The following CCDC3 variants were observed in gnomAD, a reference collection of about 807,000 sequenced individuals.
CCDC3 encodes coiled-coil domain containing 3, also known as coiled-coil domain-containing protein 3.
CCDC3 carries 24 observed loss-of-function variants against 21.4 expected under a neutral mutation model. The observed-to-expected ratio is 1.12, with a 90% CI of 0.81 to 1.58. CCDC3 has a LOEUF of 1.58. Among genes scored for constraint, CCDC3 ranks in the 40% most tolerant of loss-of-function variants. The probability of loss-of-function intolerance (pLI) is 0.00; values close to 1 mark genes in which losing one functional copy is unlikely to be tolerated. For missense variants in CCDC3, 425 were observed against 360.9 expected (o/e 1.18, Z -1.44); for synonymous variants, 186 against 166.0 (o/e 1.12, Z -0.93).
At chr10:12,949,566 T>TATAGC (rs1834978955) in intron 2 of CCDC3, among the ~76,000 whole-genome samples, 1 of 152,156 alleles carries the variant, frequency 6.6e-6, no homozygotes, top group Non-Finnish European at 1.5e-5. Flanking sequence ...TTACTAGGGT[T>TATAGC]TTCCAATACT....
intron 2 of CCDC3, among the ~76,000 whole-genome samples, chr10:12,983,772 G>A (rs1039634515): frequency 6.6e-6 from 1 of 152,008 alleles, no homozygotes; most frequent in African/African-American, 2.4e-5. Flanking sequence ...TAGCCATGAG[G>A]GAAATGCAAA....
intron 2 of CCDC3, among the ~76,000 whole-genome samples, chr10:12,957,633 G>GAGA (rs1835111516): frequency 6.6e-6 from 1 of 152,126 alleles, no homozygotes; most frequent in African/African-American, 2.4e-5. Context: ...TCACGATAGT[G>GAGA]AGAGTTCTCT....
intron 5 of CCDC3, among the ~76,000 whole-genome samples, chr10:13,019,026 G>A (rs1031380447): frequency 3.2e-4 from 48 of 152,044 alleles, no homozygotes; most frequent in African/African-American, 1.1e-3. Context: ...AAGGTCAGGA[G>A]ATCGAGACCA....
intron 5 of CCDC3, among the ~76,000 whole-genome samples, chr10:13,009,384 C>T (rs1010276152): frequency 8.5e-5 from 13 of 152,138 alleles, no homozygotes; most frequent in African/African-American, 3.1e-4. Context: ...CAATAAAAAT[C>T]CCAGTGGACT....
intron 2 of CCDC3, among the ~76,000 whole-genome samples, chr10:12,931,705 T>G (rs1171700101): frequency 2.0e-5 from 3 of 152,210 alleles, no homozygotes; most frequent in Non-Finnish European, 4.4e-5. Context: ...TCTAATATTT[T>G]CTGCTTAAAA....
intron 2 of CCDC3, among the ~76,000 whole-genome samples, chr10:12,902,307 C>T (rs1588996858): frequency 6.6e-6 from 1 of 152,220 alleles, no homozygotes; most frequent in Non-Finnish European, 1.5e-5. Context: ...CCTCTTCTGG[C>T]CAAAATGAGA....
intron 1 of CCDC3, 41 bp from the exon 2 acceptor site, chr10:12,998,553 C>A: frequency 6.3e-7 from 1 of 1,586,434 alleles, no homozygotes; most frequent in South Asian, 1.1e-5. Flanking sequence ...GCTAGACAGT[C>A]AAGGGTGTAC....
chr10:12,906,440 C>G (rs7918602), intron 2 of CCDC3, among the ~76,000 whole-genome samples: 61,308 of 152,022 alleles, frequency 0.4, 12,818 homozygotes, highest in African/African-American at 0.49. Flanking sequence ...TGAGGCAGCA[C>G]CCGGCCTAGC....
intron 3 of CCDC3, among the ~76,000 whole-genome samples, chr10:13,090,031 T>TTAGATAGATAGA (rs1314262953): frequency 3.7e-3 from 29 of 7,836 alleles, no homozygotes; most frequent in Middle Eastern, 0.12. Flanking sequence ...TAGTATTCCG[T>TTAGATAGATAGA]TAGATATATA....
At chr10:12,910,594 CA>C (rs61243830) in intron 2 of CCDC3, among the ~76,000 whole-genome samples, 36 of 91,118 alleles carry the variant, frequency 4.0e-4, no homozygotes, top group South Asian at 9.0e-4. Context: ...CTAGTCAGAG[CA>C]AAAAAAAAAA....
intron 5 of CCDC3, among the ~76,000 whole-genome samples, chr10:13,041,067 T>C (rs766882087): frequency 6.6e-6 from 1 of 152,158 alleles, no homozygotes; most frequent in African/African-American, 2.4e-5. Context: ...CACTGAGTAA[T>C]TATTTTTCCA....
intron 2 of CCDC3, among the ~76,000 whole-genome samples, chr10:12,907,211 G>GGAT (rs1233380584): frequency 3.9e-5 from 6 of 152,152 alleles, no homozygotes; most frequent in African/African-American, 1.4e-4. Context: ...CTTAATAAAT[G>GGAT]GATGAAGGGA....
intron 2 of CCDC3, among the ~76,000 whole-genome samples, chr10:12,936,134 C>T (rs1834733820): frequency 6.6e-6 from 1 of 152,198 alleles, no homozygotes; most frequent in Admixed American, 6.5e-5. Flanking sequence ...CTTCTTTAAA[C>T]ATTTCTTGCA....
At chr10:13,080,672 A>G (rs902058347) in intron 3 of CCDC3, among the ~76,000 whole-genome samples, 4 of 152,250 alleles carry the variant, frequency 2.6e-5, no homozygotes, top group African/African-American at 9.6e-5. Flanking sequence ...CAAAGAACCC[A>G]TTAGGGGCCC....
chr10:13,053,489 T>A (rs1836639685), intron 4 of CCDC3, among the ~76,000 whole-genome samples: 1 of 151,882 alleles, frequency 6.6e-6, no homozygotes, highest in African/African-American at 2.4e-5. Context: ...CCCAGGAGAT[T>A]GAGGCTGCAG....
At chr10:13,074,481 C>T (rs61501949) in intron 3 of CCDC3, among the ~76,000 whole-genome samples, 3,550 of 151,418 alleles carry the variant, frequency 0.023, 129 homozygotes, top group African/African-American at 0.081. Flanking sequence ...CCACCACAAC[C>T]GGCGGAATCA....
intron 2 of CCDC3, among the ~76,000 whole-genome samples, chr10:12,997,974 T>C (rs1213129153): frequency 2.6e-5 from 4 of 152,170 alleles, no homozygotes; most frequent in African/African-American, 9.7e-5. Context: ...CAAATTTGTG[T>C]TGGGCCACAT....
chr10:13,004,442 A>G (rs1345342977), upstream of CCDC3, among the ~76,000 whole-genome samples: 1 of 152,104 alleles, frequency 6.6e-6, no homozygotes, highest in Non-Finnish European at 1.5e-5. Flanking sequence ...GGGAAATTCC[A>G]TGATGGTGGA....
chr10:12,972,176 A>C (rs2668907), intron 2 of CCDC3, among the ~76,000 whole-genome samples: 86,529 of 151,816 alleles, frequency 0.57, 24,715 homozygotes, highest in South Asian at 0.65. Flanking sequence ...ACGCACCCAC[A>C]CATGCCCTTA....
Sources: gnomAD v4.1 joint callset for allele counts (sites outside exome capture counted in the v4.1 genomes callset) on GRCh38, gnomAD v4.1.1 for gene constraint, MANE v1.5 for transcripts, NCBI Gene and HGNC (gene_info 2026-07-23, HGNC 2026-07-21) for gene names.